The following NLGN4X variants were observed in gnomAD, a reference collection of about 807,000 sequenced individuals.
NLGN4X encodes neuroligin 4 X-linked.
In NLGN4X, 3 loss-of-function variants were observed where a neutral mutation model predicts 40.3. That is an observed-to-expected ratio of 0.07 (90% CI 0.03 to 0.19). NLGN4X has a LOEUF of 0.19. Among genes scored for constraint, NLGN4X ranks in the 10% least tolerant of loss-of-function variants. NLGN4X has a pLI of 1.00. For missense variants in NLGN4X, 382 were observed against 708.3 expected (o/e 0.54, Z 5.23); for synonymous variants, 270 against 306.8 (o/e 0.88, Z 1.25).
At chrX:5,997,631 T>C (rs140209872) in intron 3 of NLGN4X, among the ~76,000 whole-genome samples, 2,035 of 32,652 alleles carry the variant, frequency 0.062, 28 homozygotes, top group Non-Finnish European at 0.074. Context: ...TATATATATA[T>C]ACACACGTAT....
chrX:6,066,752 T>C (rs1685717905), intron 2 of NLGN4X, among the ~76,000 whole-genome samples: 1 of 109,440 alleles, frequency 9.1e-6, no homozygotes, highest in Non-Finnish European at 1.9e-5. Context: ...GTCATTGCAC[T>C]CCAGCCTGGG....
chrX:5,953,186 C>T (rs1474491383), intron 3 of NLGN4X, among the ~76,000 whole-genome samples: 1 of 110,325 alleles, frequency 9.1e-6, no homozygotes, highest in East Asian at 2.9e-4. Flanking sequence ...GCCTGGGCAA[C>T]ACAGTGAGAC....
Position 5,891,338 on chromosome X carries a change from T to C in NLGN4X, c.*1479A>G, listed in dbSNP as rs971198466. The C allele has an allele frequency of 1.8e-5, 4 of 220,450 alleles. No homozygotes were observed. Among genetic ancestry groups the C allele is most frequent in the African/African-American group, 1.2e-4 (4 of 33,207 alleles). 18.2% of individuals were successfully genotyped at this position (220,450 alleles called of 1,213,427 possible). On this transcript the variant is annotated 3_prime_UTR_variant, in exon 6 of 6. Transcript: ENST00000381095. Reference sequence around the variant, plus strand: ...TTCTTCTATAATATTCACCGTTTGGTGACCGGATACACAAATCCACAAAAA... The same window carrying C: ...TTCTTCTATAATATTCACCGTTTGGCGACCGGATACACAAATCCACAAAAA...
At chrX:6,216,043 A>C (rs955641859) in intron 1 of NLGN4X, among the ~76,000 whole-genome samples, 6 of 110,371 alleles carry the variant, frequency 5.4e-5, no homozygotes, top group African/African-American at 1.7e-4. Flanking sequence ...CACCTGGCTA[A>C]TTTTTGTATT....
chrX:5,983,961 C>CA (rs1039203037), intron 3 of NLGN4X, among the ~76,000 whole-genome samples: 4 of 109,463 alleles, frequency 3.7e-5, no homozygotes, highest in African/African-American at 1.0e-4. Flanking sequence ...CTGTCATATA[C>CA]AAAAAATATA....
intron 3 of NLGN4X, among the ~76,000 whole-genome samples, chrX:5,999,729 G>A (rs16999156): frequency 0.021 from 2,299 of 112,073 alleles, 54 homozygotes; most frequent in African/African-American, 0.07. Context: ...TTTATCCCTT[G>A]GTGTTTCAAG....
chrX:6,041,489 T>C (rs930212033), intron 2 of NLGN4X, among the ~76,000 whole-genome samples: 1 of 112,057 alleles, frequency 8.9e-6, no homozygotes, highest in Non-Finnish European at 1.9e-5. Flanking sequence ...CATATGCTCC[T>C]GGAAGATTCA....
chrX:6,212,625 T>C (rs1393580231), intron 1 of NLGN4X, among the ~76,000 whole-genome samples: 1 of 112,000 alleles, frequency 8.9e-6, no homozygotes, highest in Non-Finnish European at 1.9e-5. Flanking sequence ...GCTTACTGCA[T>C]AGGAAGTTCG....
chrX:6,193,493 A>AAAAAAAAAAAAGAAAAAAGG (rs1556002837), intron 1 of NLGN4X, among the ~76,000 whole-genome samples: 2,198 of 19,638 alleles, frequency 0.11, 81 homozygotes, highest in African/African-American at 0.42. Context: ...TTCCCTATTT[A>AAAAAAAAAAAAGAAAAAAGG]AAAAAAAAAA....
At chrX:6,118,200 T>C (rs888777027) in intron 2 of NLGN4X, among the ~76,000 whole-genome samples, 1 of 110,775 alleles carries the variant, frequency 9.0e-6, no homozygotes, top group Non-Finnish European at 1.9e-5. Flanking sequence ...TCTATCTACA[T>C]TCATTGTGTT....
chrX:6,022,452 G>A (rs1158099810), intron 3 of NLGN4X, among the ~76,000 whole-genome samples: 1 of 112,058 alleles, frequency 8.9e-6, no homozygotes, highest in East Asian at 2.8e-4. Flanking sequence ...AATAGCAAAT[G>A]TACCAAAAAT....
intron 1 of NLGN4X, among the ~76,000 whole-genome samples, chrX:6,158,934 A>G (rs899664168): frequency 8.9e-6 from 1 of 112,187 alleles, no homozygotes; most frequent in African/African-American, 3.2e-5. Context: ...GCTGAGGATA[A>G]ATAAGCCCCA....
intron 2 of NLGN4X, among the ~76,000 whole-genome samples, chrX:6,061,026 T>G (rs1184035244): frequency 8.9e-6 from 1 of 112,391 alleles, no homozygotes; most frequent in East Asian, 2.8e-4. Context: ...TTATAGCTAA[T>G]TGACTTGCTT....
At chrX:5,970,176 A>AT (rs2034982115) in intron 3 of NLGN4X, among the ~76,000 whole-genome samples, 1 of 105,675 alleles carries the variant, frequency 9.5e-6, no homozygotes, top group African/African-American at 3.7e-5. Context: ...AAGTATAATA[A>AT]AAAATAAATA....
intron 2 of NLGN4X, among the ~76,000 whole-genome samples, chrX:6,058,367 A>C (rs1346663637): frequency 1.8e-5 from 2 of 111,969 alleles, no homozygotes; most frequent in African/African-American, 6.5e-5. Flanking sequence ...ATATTTCCCA[A>C]AATTTACTAC....
intron 2 of NLGN4X, among the ~76,000 whole-genome samples, chrX:6,061,236 C>T (rs995141180): frequency 1.8e-5 from 2 of 111,418 alleles, no homozygotes; most frequent in Admixed American, 9.6e-5. Flanking sequence ...CAACCCTTAG[C>T]GAACTTTGAA....
At chrX:6,176,906 G>C (rs1187455640) in intron 1 of NLGN4X, among the ~76,000 whole-genome samples, 2 of 111,710 alleles carry the variant, frequency 1.8e-5, no homozygotes, top group Non-Finnish European at 3.8e-5. Flanking sequence ...CAGGTAGAGT[G>C]GTTGAGACCA....
At chrX:6,155,656 A>G (rs1197755398) in intron 1 of NLGN4X, among the ~76,000 whole-genome samples, 1 of 112,474 alleles carries the variant, frequency 8.9e-6, no homozygotes, top group East Asian at 2.8e-4. Flanking sequence ...GTACATGTAG[A>G]TATTTTAATA....
rs746299947 is a variant in NLGN4X at position 6,116,015 on chromosome X, T to C, written c.472+34980A>G. Among the ~76,000 whole-genome samples, 366 of 110,030 alleles carry C rather than the reference T, an allele frequency of 3.3e-3. 8 individuals carry two copies. The highest frequency in any genetic ancestry group is 0.014 in the Middle Eastern group (3 of 217). ...AATGTAATAAAGAACTGAATGAGGC[T>C]GGGCGCGGTGGCTCATGTCTGTAAT... On this transcript the variant is annotated intron_variant, in intron 2 of 5. Transcript: ENST00000381095.
Sources: gnomAD v4.1 joint callset for allele counts (sites outside exome capture counted in the v4.1 genomes callset) on GRCh38, gnomAD v4.1.1 for gene constraint, MANE v1.5 for transcripts, NCBI Gene and HGNC (gene_info 2026-07-23, HGNC 2026-07-21) for gene names.